The following AK7 variants were observed in gnomAD, a reference collection of about 807,000 sequenced individuals.
The protein encoded by AK7 is ATP-AMP transphosphorylase 7.
Under a neutral mutation model 96.6 loss-of-function variants are expected in AK7, and 78 were observed. The ratio of observed to expected loss-of-function variants is 0.81; its 90% CI spans 0.67 to 0.97. The LOEUF is 0.97. Ranked by LOEUF, AK7 falls within the 50% of genes least tolerant of loss-of-function variation. AK7 has a pLI of 0.00. For synonymous variants in AK7, 302 were observed against 317.2 expected (o/e 0.95, Z 0.51); for missense variants, 855 against 887.9 (o/e 0.96, Z 0.47).
In AK7 at chr14:96,482,983, C is replaced by T. The variant is rs1301337162; in HGVS notation, c.1754-16C>T. On this transcript the variant is annotated splice_polypyrimidine_tract_variant and intron_variant, in intron 15 of 17. Transcript: ENST00000267584. ...AGAATATAAGTATGTGTTGATCTCT[C>T]TCCTGGTATTTAAAGATGTAGGAAA... is the stretch of plus-strand genomic sequence containing the variant. The T allele has an allele frequency of 6.2e-7, 1 of 1,611,868 alleles. No homozygotes were observed. Among genetic ancestry groups the T allele is most frequent in the South Asian group, 1.1e-5 (1 of 90,822 alleles).
intron 12 of AK7, among the ~76,000 whole-genome samples, chr14:96,469,823 T>A (rs183705556): frequency 6.6e-6 from 1 of 152,110 alleles, no homozygotes; most frequent in African/African-American, 2.4e-5. Flanking sequence ...TTGTTTTTTG[T>A]TTTTTGTTTT....
chr14:96,474,460 A>AG (rs1258310151), intron 14 of AK7, among the ~76,000 whole-genome samples: 1 of 151,134 alleles, frequency 6.6e-6, no homozygotes, highest in Non-Finnish European at 1.5e-5. Flanking sequence ...AAAAAAAAAA[A>AG]AAAAAAATCA....
intron 2 of AK7, among the ~76,000 whole-genome samples, chr14:96,402,697 A>C (rs1286830202): frequency 6.6e-6 from 1 of 152,180 alleles, no homozygotes; most frequent in East Asian, 1.9e-4. Flanking sequence ...TTCAGCCAAG[A>C]GAAGGAAGTG....
intron 2 of AK7, among the ~76,000 whole-genome samples, chr14:96,401,202 G>A (rs542890936): frequency 3.3e-5 from 5 of 152,300 alleles, no homozygotes; most frequent in African/African-American, 1.2e-4. Flanking sequence ...GGCTTGGCAG[G>A]GACTCTGTGA....
chr14:96,392,419 C>A (rs555344364), intron 1 of AK7, among the ~76,000 whole-genome samples, 160 bp downstream of exon 1: 1 of 152,186 alleles, frequency 6.6e-6, no homozygotes, highest in Non-Finnish European at 1.5e-5. Flanking sequence ...CCCCCTGGAC[C>A]CCAGTCCGCA....
chr14:96,393,927 A>C (rs1889901086), intron 1 of AK7, among the ~76,000 whole-genome samples: 1 of 152,012 alleles, frequency 6.6e-6, no homozygotes, highest in Non-Finnish European at 1.5e-5. Context: ...TGGCCAACAT[A>C]GTGAAACCCT....
rs1895586674 is a variant in AK7, at chr14:96,483,067, C to A, written c.1822C>A (p.Pro608Thr). Reference protein sequence around the residue: ...IKQLIKEIGEPRNYGLTDEEK... With the variant: ...IKQLIKEIGETRNYGLTDEEK... ...ACAGCTCATCAAAGAGATTGGGGAG[C>A]CTCGAAATTATGGTTTAACAGACGA... is the stretch of plus-strand genomic sequence containing the variant. Residue 608 changes from proline to threonine, a missense_variant, in exon 16 of 18, where the codon CCT (proline) becomes ACT (threonine). Coordinates refer to ENST00000267584, the MANE Select transcript of AK7 (RefSeq NM_152327.5). 6.2e-7 allele frequency: 1 copy of A among 1,614,002 alleles called. No homozygotes were observed. Among genetic ancestry groups the A allele is most frequent in the African/African-American group, 1.3e-5 (1 of 74,906 alleles).
intron 9 of AK7, among the ~76,000 whole-genome samples, chr14:96,450,145 G>A (rs531235943): frequency 7.9e-5 from 12 of 151,988 alleles, no homozygotes; most frequent in South Asian, 2.1e-4. Flanking sequence ...GGCCGGGCGC[G>A]GTGATTCACG....
At chr14:96,440,403 G>T (rs73349296) in intron 6 of AK7, among the ~76,000 whole-genome samples, 43,947 of 152,016 alleles carry the variant, frequency 0.29, 6,541 homozygotes, top group Middle Eastern at 0.34. Context: ...CGCAGGCCTC[G>T]GCCCTAGACC....
At chr14:96,476,574 G>A (rs968181284) in intron 14 of AK7, among the ~76,000 whole-genome samples, 34 of 150,518 alleles carry the variant, frequency 2.3e-4, no homozygotes, top group African/African-American at 4.9e-5. Context: ...TGACCTCCTT[G>A]TTATCTACGG....
chr14:96,406,114 C>A (rs534563401), intron 3 of AK7, among the ~76,000 whole-genome samples: 2 of 151,342 alleles, frequency 1.3e-5, no homozygotes, highest in East Asian at 3.9e-4. Flanking sequence ...AGTGCAGTGG[C>A]ACTGTCTTGG....
At chr14:96,469,022 G>A (rs977511613) in intron 12 of AK7, among the ~76,000 whole-genome samples, 2 of 151,948 alleles carry the variant, frequency 1.3e-5, no homozygotes, top group Non-Finnish European at 2.9e-5. Flanking sequence ...TTGTGTACTG[G>A]GTCATGCCTT....
intron 10 of AK7, among the ~76,000 whole-genome samples, chr14:96,453,162 A>G (rs1893703999): frequency 6.6e-6 from 1 of 152,188 alleles, no homozygotes; most frequent in Non-Finnish European, 1.5e-5. Flanking sequence ...ACCACTTAGC[A>G]AAAGAAATAA....
chr14:96,440,850 G>A (rs1892921472), intron 6 of AK7, among the ~76,000 whole-genome samples: 1 of 152,144 alleles, frequency 6.6e-6, no homozygotes, highest in African/African-American at 2.4e-5. Context: ...AGAGAAAGAG[G>A]AAGAAATTTT....
rs147069032 is a variant in AK7 at position 96,486,998 on chromosome 14, T to G, written c.2075T>G (p.Leu692Arg). The G allele has an allele frequency of 1.2e-6, 2 of 1,614,060 alleles. No homozygotes were observed. Among genetic ancestry groups the G allele is most frequent in the African/African-American group, 2.7e-5 (2 of 74,926 alleles). The change falls in exon 17 of 18, where the codon CTT becomes CGT. Residue 692 changes from leucine to arginine, a missense_variant. Coordinates refer to ENST00000267584, the MANE Select transcript of AK7 (RefSeq NM_152327.5). ...NYLMTYVMPT[L>R]IQGLNECCNV... is the part of the protein sequence containing the mutation. ...TTAATGACCTATGTGATGCCAACTC[T>G]TATTCAGGGCCTGAATGAATGTTGC...
chr14:96,483,918 G>A (rs1342681399), intron 16 of AK7, among the ~76,000 whole-genome samples: 4 of 151,846 alleles, frequency 2.6e-5, no homozygotes, highest in Non-Finnish European at 5.9e-5. Context: ...AATCTAGTAA[G>A]TGATTCTGCT....
At chr14:96,392,493 T>C (rs577394990) in intron 1 of AK7, among the ~76,000 whole-genome samples, 1 of 152,318 alleles carries the variant, frequency 6.6e-6, no homozygotes, top group South Asian at 2.1e-4. Context: ...GTCCATCCCC[T>C]GTTCCTCCTT....
chr14:96,471,148 A>G (rs1206931088), intron 12 of AK7, among the ~76,000 whole-genome samples: 2 of 152,042 alleles, frequency 1.3e-5, no homozygotes, highest in Non-Finnish European at 2.9e-5. Flanking sequence ...CCTGGGCAAC[A>G]TTGCAAGATC....
At position 96,406,848 on chromosome 14, in the gene AK7, A is replaced by T. The variant is rs563689023; in HGVS notation, c.403+1983A>T. On this transcript the variant is annotated intron_variant, in intron 3 of 17. Coordinates refer to ENST00000267584, the MANE Select transcript of AK7 (RefSeq NM_152327.5). ...TACAGGTGTGCATCCAGCTATTTTT[A>T]AAAAATTTTTTGTAGAGACAAAGTC... Among the ~76,000 whole-genome samples the T allele has an allele frequency of 1.0e-3, 158 of 152,060 alleles. 5 individuals carry two copies. Among genetic ancestry groups the T allele is most frequent in the Admixed American group, 0.01 (158 of 15,262 alleles).
Sources: allele counts gnomAD v4.1 joint callset (sites outside exome capture counted in the v4.1 genomes callset), GRCh38; gene constraint gnomAD v4.1.1; transcripts MANE v1.5; gene names NCBI Gene and HGNC (gene_info 2026-07-23, HGNC 2026-07-21).